The following HERC6 variants were observed in gnomAD, a reference collection of about 807,000 sequenced individuals.
The protein encoded by HERC6 is HECT and RLD domain containing E3 ubiquitin protein ligase family member 6, also known as probable E3 ubiquitin-protein ligase HERC6.
Under a neutral mutation model 114.5 loss-of-function variants are expected in HERC6, and 101 were observed. That is an observed-to-expected ratio of 0.88 (90% CI 0.75 to 1.04). The LOEUF (loss-of-function observed/expected upper bound fraction) is 1.04. Among genes scored for constraint, HERC6 ranks in the 50% least tolerant of loss-of-function variants. The pLI, the probability that HERC6 is intolerant of heterozygous loss-of-function variation, is 0.00. For synonymous variants in HERC6, 408 were observed against 436.2 expected, an observed-to-expected ratio of 0.94 and a Z score of 0.81; for missense variants, 1,133 against 1,230.9, an observed-to-expected ratio of 0.92 and a Z score of 1.19.
At chr4:88,398,975 G>C (rs935682348) in intron 8 of HERC6, 2 of 152,188 alleles carry the variant, frequency 1.3e-5, no homozygotes, top group African/African-American at 4.8e-5. Flanking sequence ...GTCCAACCCA[G>C]TAGCTTACAC....
intron 4 of HERC6, among the ~76,000 whole-genome samples, chr4:88,392,320 A>AT (rs1314456488): frequency 2.7e-5 from 4 of 149,168 alleles, no homozygotes; most frequent in African/African-American, 9.9e-5. Context: ...TAATTTTTGT[A>AT]TTTTTTGTAG....
intron 3 of HERC6, among the ~76,000 whole-genome samples, chr4:88,389,683 G>A (rs1415989147): frequency 6.7e-6 from 1 of 149,582 alleles, no homozygotes; most frequent in African/African-American, 2.5e-5. Context: ...CGCCCCGCTT[G>A]CCTTTAGTTG....
intron 17 of HERC6, among the ~76,000 whole-genome samples, chr4:88,434,111 A>T (rs1210636686): frequency 6.6e-6 from 1 of 152,204 alleles, no homozygotes; most frequent in East Asian, 1.9e-4. Context: ...CACACCAGAA[A>T]CTTTACCAAT....
At chr4:88,435,695 T>C in intron 17 of HERC6, 30 bp from the exon 18 acceptor site, 1 of 1,365,940 alleles carries the variant, frequency 7.3e-7, no homozygotes, top group Middle Eastern at 2.0e-4. Flanking sequence ...TTATTTATAA[T>C]ACCTTAGGGA....
At chr4:88,405,088 G>T in intron 9 of HERC6, 91 bp downstream of exon 9, 1 of 1,479,562 alleles carries the variant, frequency 6.8e-7, no homozygotes, top group East Asian at 2.3e-5. Context: ...GTTTTGTTGT[G>T]AAGGTATTTG....
chr4:88,423,657 G>A (rs753869573), intron 13 of HERC6, among the ~76,000 whole-genome samples: 1 of 152,078 alleles, frequency 6.6e-6, no homozygotes, highest in African/African-American at 2.4e-5. Flanking sequence ...TCTTATCTTT[G>A]ACATTTCTTC....
At chr4:88,388,123 A>G (rs1734684563) in intron 3 of HERC6, among the ~76,000 whole-genome samples, 1 of 151,480 alleles carries the variant, frequency 6.6e-6, no homozygotes, top group Non-Finnish European at 1.5e-5. Context: ...TAGGCATTAG[A>G]TAAGCTTAGA....
intron 5 of HERC6, among the ~76,000 whole-genome samples, chr4:88,394,222 C>A (rs1372553748): frequency 5.9e-5 from 9 of 151,992 alleles, no homozygotes; most frequent in Non-Finnish European, 1.5e-5. Flanking sequence ...TGCCTATAAT[C>A]CCAGCACTTT....
chr4:88,389,492 T>G (rs1734777876), intron 3 of HERC6, among the ~76,000 whole-genome samples: 1 of 152,020 alleles, frequency 6.6e-6, no homozygotes, highest in South Asian at 2.1e-4. Context: ...GAGAAATGGT[T>G]GGATTCTGGA....
chr4:88,424,039 C>A, intron 14 of HERC6, 66 bp downstream of exon 14: 1 of 747,016 alleles, frequency 1.3e-6, no homozygotes, highest in South Asian at 1.9e-5. Context: ...ACTGTAGTAT[C>A]TGTAAAGGTA....
At chr4:88,415,527 G>A (rs180707752) in intron 12 of HERC6, among the ~76,000 whole-genome samples, 10 of 152,240 alleles carry the variant, frequency 6.6e-5, no homozygotes, top group Admixed American at 1.3e-4. Flanking sequence ...AAACCTGTCC[G>A]TACTGACAAA....
chr4:88,408,594 A>G lies in HERC6; in HGVS notation c.1345A>G (p.Lys449Glu), dbSNP rs1735924649. Residue 449 changes from lysine to glutamate, a missense_variant, in exon 11 of 23, where the codon AAA (lysine) becomes GAA (glutamate). By Grantham distance (56) the Lys-to-Glu change is moderately conservative. This residue lies in a region of HERC6 where 735 missense variants were observed against 754.0 expected (regional missense o/e 0.97). Transcript: ENST00000264346. Reference sequence around the variant, plus strand: ...AAGAGATACCTTCAAGAAGTTAACAAAAAAGGAATGGATTTCTTCCATGGT... The same window carrying G: ...AAGAGATACCTTCAAGAAGTTAACAGAAAAGGAATGGATTTCTTCCATGGT... ...MARDTFKKLT[K>E]KEWISSMITT... 1.3e-6 allele frequency: 2 copies of G among 1,587,962 alleles called. No homozygotes were observed. Among genetic ancestry groups the G allele is most frequent in the Non-Finnish European group, 1.7e-6 (2 of 1,165,380 alleles).
At position 88,404,567 on chromosome 4, in the gene HERC6, G is replaced by T. The variant is rs184392068; in HGVS notation, c.1093-309G>T. 1.7e-3 allele frequency among the ~76,000 whole-genome samples: 257 copies of T among 152,190 alleles called. 1 individual carries two copies. Among genetic ancestry groups the T allele is most frequent in the African/African-American group, 6.0e-3 (249 of 41,512 alleles). On this transcript the variant is annotated intron_variant, in intron 8 of 22. Transcript: ENST00000264346. ...ATCTATTCATCTGTTTATGGACATG[G>T]GTTGTTTCCATCTTTTGGCTATTGT...
At chr4:88,423,755 TTTC>T (rs1166777282) in intron 13 of HERC6, 102 bp from the exon 14 acceptor site, 8 of 454,588 alleles carry the variant, frequency 1.8e-5, no homozygotes, top group South Asian at 7.7e-5. Context: ...TTTAGAGAGC[TTTC>T]TTCTTCTTAT....
chr4:88,427,498 A>G (rs1000533351), intron 15 of HERC6, among the ~76,000 whole-genome samples: 46 of 152,210 alleles, frequency 3.0e-4, no homozygotes, highest in South Asian at 6.2e-4. Flanking sequence ...AGAAAGGAAC[A>G]GAGATGGAAC....
chr4:88,384,178 A>G (rs146266112), intron 2 of HERC6, among the ~76,000 whole-genome samples: 1 of 152,254 alleles, frequency 6.6e-6, no homozygotes, highest in East Asian at 1.9e-4. Flanking sequence ...GCCCAATAGA[A>G]CCTTCTATAC....
Position 88,431,262 on chromosome 4 carries a change from T to A in HERC6, c.2207T>A (p.Phe736Tyr), listed in dbSNP as rs903065187. 1.2e-6 allele frequency: 2 copies of A among 1,612,822 alleles called. No individual in the cohort carries two copies. Among genetic ancestry groups the A allele is most frequent in the Non-Finnish European group, 1.7e-6 (2 of 1,179,526 alleles). Residue 736 changes from phenylalanine to tyrosine, a missense_variant, in exon 17 of 23, where the codon TTC becomes TAC. By Grantham distance (22) the Phe-to-Tyr change is conservative (BLOSUM62 3). This residue lies in a region of HERC6 where 388 missense variants were observed against 445.9 expected (regional missense o/e 0.87). Coordinates refer to ENST00000264346, the MANE Select transcript of HERC6 (RefSeq NM_017912.4). ...EEMTKPEYGM[F>Y]MYPEMGSCMW... ...ATGACCAAGCCAGAATATGGAATGTTCATGTATCCTGAAATGGGTTCCTGC... is the reference window on the plus strand; with the variant it reads ...ATGACCAAGCCAGAATATGGAATGTACATGTATCCTGAAATGGGTTCCTGC...
At chr4:88,390,174 T>A (rs1578372568) in intron 3 of HERC6, among the ~76,000 whole-genome samples, 1 of 63,242 alleles carries the variant, frequency 1.6e-5, no homozygotes, top group Non-Finnish European at 2.7e-5. Context: ...TGAAACTCTG[T>A]ATCAAAAAAA....
At chr4:88,423,098 G>GT (rs1411625931) in intron 13 of HERC6, among the ~76,000 whole-genome samples, 1 of 148,552 alleles carries the variant, frequency 6.7e-6, no homozygotes, top group Non-Finnish European at 1.5e-5. Flanking sequence ...CCAGGAAATT[G>GT]TTTTTTCTTT....
Sources: allele counts gnomAD v4.1 joint callset (sites outside exome capture counted in the v4.1 genomes callset), GRCh38; gene constraint gnomAD v4.1.1; regional missense constraint gnomAD v4.1.1; transcripts MANE v1.5; gene names NCBI Gene and HGNC (gene_info 2026-07-23, HGNC 2026-07-21).